Variants in PLA2G4F observed in about 807,000 individuals in gnomAD.
The protein encoded by PLA2G4F is cytosolic phospholipase A2 zeta.
A neutral mutation model predicts 103.1 loss-of-function variants in PLA2G4F; 105 were observed. The ratio of observed to expected loss-of-function variants is 1.02; its 90% CI spans 0.87 to 1.20. The LOEUF is 1.20. Ranked by LOEUF, PLA2G4F falls within the 50% of genes most tolerant of loss-of-function variation. The pLI is 0.00. For synonymous variants in PLA2G4F, 468 were observed against 441.1 expected, an observed-to-expected ratio of 1.06 and a Z score of -0.76; for missense variants, 1,155 against 1,075.9, an observed-to-expected ratio of 1.07 and a Z score of -1.03.
intron 11 of PLA2G4F, chr15:42,148,710 G>A (rs2048920115): frequency 2.0e-6 from 2 of 985,266 alleles, no homozygotes; most frequent in African/African-American, 3.5e-5. Context: ...AAGGTCTCAG[G>A]ATCGGAGGTG....
chr15:42,155,649 T>C, intron 1 of PLA2G4F, 60 bp from the exon 2 acceptor site: 1 of 1,536,280 alleles, frequency 6.5e-7, no homozygotes, highest in South Asian at 1.1e-5. Flanking sequence ...CCTCGCCCCA[T>C]TGTTCCCCTC....
chr15:42,151,324 C>A (rs1235669902), intron 7 of PLA2G4F: 1 of 985,050 alleles, frequency 1.0e-6, no homozygotes, highest in Non-Finnish European at 1.2e-6. Flanking sequence ...CCTGGAGAAG[C>A]GGCGGAGGGC....
intron 1 of PLA2G4F, 36 bp from the exon 2 acceptor site, chr15:42,155,625 G>T (rs760334959): frequency 6.3e-7 from 1 of 1,595,190 alleles, no homozygotes; most frequent in Admixed American, 1.7e-5. Context: ...CAGTCAGCTA[G>T]TGTGAGCCTG....
At chr15:42,152,363 A>G (rs1466476067) in intron 7 of PLA2G4F, among the ~76,000 whole-genome samples, 1 of 152,160 alleles carries the variant, frequency 6.6e-6, no homozygotes, top group Non-Finnish European at 1.5e-5. Flanking sequence ...CAGAGGAGAG[A>G]CGCATGGCAC....
At position 42,142,516 on chromosome 15, in the gene PLA2G4F, A is replaced by G. The variant is rs745908863; in HGVS notation, c.2329+12T>C. 1.9e-6 allele frequency: 3 copies of G among 1,608,384 alleles called. No homozygotes were observed. The highest frequency in any genetic ancestry group is 2.6e-6 in the Non-Finnish European group (3 of 1,176,396). ...CTCTGTGGGTCAGTCCCAGGCCTGGAGCTTCCCTTACCTGGGGCCAGGTGT... is the reference window on the plus strand; with the variant it reads ...CTCTGTGGGTCAGTCCCAGGCCTGGGGCTTCCCTTACCTGGGGCCAGGTGT... On this transcript the variant is annotated intron_variant, in intron 19 of 19. Transcript: ENST00000397272.
rs1172512038 is a variant in PLA2G4F at position 42,141,312 on chromosome 15, G to C, written c.*672C>G. 3 of 456,584 alleles carry C rather than the reference G, an allele frequency of 6.6e-6. No homozygotes were observed. Among genetic ancestry groups the C allele is most frequent in the Non-Finnish European group, 1.3e-5 (3 of 226,982 alleles). 28.3% of individuals were successfully genotyped at this position (456,584 alleles called of 1,614,324 possible). On this transcript the variant is annotated 3_prime_UTR_variant, in exon 20 of 20. Coordinates refer to ENST00000397272, the MANE Select transcript of PLA2G4F (RefSeq NM_213600.4). ...GCCTGGGTAACTGGCAGGGAGACAC[G>C]CGCACATCTCCCACCTGGAGCAGCC...
At chr15:42,151,414 T>G in intron 7 of PLA2G4F, 1 of 985,246 alleles carries the variant, frequency 1.0e-6, no homozygotes, top group South Asian at 4.7e-5. Context: ...CCTGCCCAGC[T>G]TCCCAGCAGC....
In PLA2G4F at chr15:42,142,015, C is replaced by T. The variant is rs370541651; in HGVS notation, c.2519G>A (p.Arg840Gln). 265 of 1,613,910 alleles carry T rather than the reference C, an allele frequency of 1.6e-4. 2 individuals carry two copies. Among genetic ancestry groups the T allele is most frequent in the Non-Finnish European group, 1.5e-4 (176 of 1,180,018 alleles). The change falls in exon 20 of 20, where the codon CGG (arginine) becomes CAG (glutamine). Residue 840 changes from arginine (R) to glutamine (Q), a missense_variant. Arg to Gln is a conservative substitution (Grantham distance 43). Around this residue, in one of 3 missense-constraint regions of PLA2G4F, gnomAD observed 782 missense variants for 692.9 expected, o/e 1.13. Transcript: ENST00000397272. ...CCCTGCCCTCTCCCGAGCCTGGTGC[C>T]GGTCCAGAGCCAGCTGGAGGGCGCA... ...LKCALQLALD[R>Q]HQARERAGA
intron 6 of PLA2G4F, 110 bp downstream of exon 6, chr15:42,153,190 C>T (rs1266135769): frequency 3.9e-6 from 5 of 1,289,020 alleles, no homozygotes; most frequent in East Asian, 2.3e-5. Flanking sequence ...ATCTCCCCTC[C>T]GAGGAGGGCT....
intron 1 of PLA2G4F, 117 bp from the exon 2 acceptor site, chr15:42,155,706 G>C: frequency 2.0e-6 from 2 of 1,003,036 alleles, no homozygotes; most frequent in Non-Finnish European, 3.0e-6. Context: ...TGACGTCTCT[G>C]TGCCGGGGAG....
intron 11 of PLA2G4F, 34 bp downstream of exon 11, chr15:42,149,679 G>C: frequency 6.2e-7 from 1 of 1,613,044 alleles, no homozygotes; most frequent in Non-Finnish European, 8.5e-7. Flanking sequence ...TAGTCCTAGA[G>C]GCTCTGGGGT....
chr15:42,146,079 T>C, intron 14 of PLA2G4F, 48 bp downstream of exon 14: 1 of 1,603,110 alleles, frequency 6.2e-7, no homozygotes, highest in East Asian at 2.2e-5. Flanking sequence ...TCTCACCTCC[T>C]CCTCCCCACC....
chr15:42,153,219 A>C (rs2048977020), intron 6 of PLA2G4F, 81 bp downstream of exon 6: 2 of 1,464,556 alleles, frequency 1.4e-6, no homozygotes, highest in Admixed American at 2.0e-5. Context: ...CTTCAGAGGC[A>C]ACTGGGCCTG....
intron 4 of PLA2G4F, 136 bp from the exon 5 acceptor site, chr15:42,153,796 G>A: frequency 3.1e-6 from 3 of 952,882 alleles, no homozygotes; most frequent in South Asian, 1.6e-5. Context: ...GACATAGGAG[G>A]GGCAGTGGTA....
chr15:42,145,027 C>T (rs1365577984), intron 16 of PLA2G4F, among the ~76,000 whole-genome samples: 1 of 152,170 alleles, frequency 6.6e-6, no homozygotes. Flanking sequence ...CCTGGCCCTC[C>T]CAGGTGCACG....
chr15:42,142,743 C>G, intron 18 of PLA2G4F, 29 bp from the exon 19 acceptor site: 1 of 1,612,366 alleles, frequency 6.2e-7, no homozygotes, highest in Non-Finnish European at 8.5e-7. Context: ...CTGACTCTGC[C>G]TTTCCTCCAC....
Position 42,140,634 on chromosome 15 carries a change from C to T in PLA2G4F, c.*1350G>A, listed in dbSNP as rs1217812654. 1 of 152,796 alleles carries T rather than the reference C, an allele frequency of 6.5e-6. No homozygotes were observed. 9.5% of individuals were successfully genotyped at this position (152,796 alleles called of 1,614,324 possible). ...GAGGGCTGCAGATCCCAGGCCAGGC[C>T]AAGACACAGGCTGGGCTCCAGTCAC... On this transcript the variant is annotated 3_prime_UTR_variant, in exon 20 of 20. Transcript: ENST00000397272.
In PLA2G4F at chr15:42,142,166, C is replaced by T. The variant is rs1216148046; in HGVS notation, c.2368G>A (p.Asp790Asn). The change falls in exon 20 of 20, where the codon GAC (aspartate) becomes AAC (asparagine). Residue 790 changes from aspartate to asparagine, a missense_variant. Asp to Asn is a conservative substitution (Grantham distance 23). Coordinates refer to ENST00000397272, the MANE Select transcript of PLA2G4F (RefSeq NM_213600.4). ...GTGTCTGGCCTGTTGATGACAAAGT[C>T]CCCAAAGGCCTTCTCCTCAGCTGTT... ...RQTAEEKAFG[D>N]FVINRPDTPY... 1 of 1,613,858 alleles carries T rather than the reference C, an allele frequency of 6.2e-7. No individual in the cohort carries two copies. The highest frequency in any genetic ancestry group is 8.5e-7 in the Non-Finnish European group (1 of 1,179,930).
At position 42,146,136 on chromosome 15, in the gene PLA2G4F, C is replaced by G. The variant is rs1305023890; in HGVS notation, c.1525G>C (p.Asp509His). The G allele has an allele frequency of 6.2e-7, 1 of 1,614,050 alleles. No individual in the cohort carries two copies. The highest frequency in any genetic ancestry group is 1.1e-5 in the South Asian group (1 of 91,074). Residue 509 changes from aspartate (D) to histidine (H), a missense_variant, in exon 14 of 20, where the codon GAT (aspartate) becomes CAT (histidine). By Grantham distance (81) the Asp-to-His change is moderately conservative. Coordinates refer to ENST00000397272, the MANE Select transcript of PLA2G4F (RefSeq NM_213600.4). ...VNVRTNLSGE[D>H]FAEWCEFTPY... ...CTCCACACCCAGGCACCTGCAAAAT[C>G]TTCCCCACTCAAGTTGGTGCGGACG...
Sources: gnomAD v4.1 joint callset for allele counts (sites outside exome capture counted in the v4.1 genomes callset) on GRCh38, gnomAD v4.1.1 for gene constraint, gnomAD v4.1.1 regional missense constraint, MANE v1.5 for transcripts, NCBI Gene and HGNC (gene_info 2026-07-23, HGNC 2026-07-21) for gene names.